The following UNC80 variants were observed in gnomAD, a reference collection of about 807,000 sequenced individuals.
UNC80 encodes unc-80 subunit of NALCN channel complex.
UNC80 carries 164 observed loss-of-function variants against 384.6 expected under a neutral mutation model. That is an observed-to-expected ratio of 0.43 (90% CI 0.38 to 0.49). The LOEUF (loss-of-function observed/expected upper bound fraction) is 0.49, where lower values mean the gene tolerates loss of function less well. UNC80 is among the 20% of genes least tolerant of loss of function. UNC80 has a pLI of 0.00. For missense variants in UNC80, 3,330 were observed against 4,143.0 expected (o/e 0.80, Z 5.39); for synonymous variants, 1,486 against 1,527.8 (o/e 0.97, Z 0.64).
In UNC80 at chr2:209,959,179, C is replaced by T. The variant is rs1449422295; in HGVS notation, c.7586+25C>T. ...GGTACAGAAAGACTTGCTCTAATTT[C>T]ATACCAGTTCTGACATCTTGAGATG... On this transcript the variant is annotated intron_variant, in intron 50 of 64. Transcript: ENST00000673920. The T allele has an allele frequency of 2.6e-6, 4 of 1,551,284 alleles. No individual in the cohort carries two copies. The African/African-American group carries it at 4.1e-5, about 16-fold the overall frequency.
chr2:209,977,065 T>A lies in UNC80; in HGVS notation c.8925T>A (p.Val2975=). The change falls in exon 58 of 65, where the codon GTT becomes GTA. Residue 2975 remains valine (V), a synonymous_variant. Transcript: ENST00000673920. ...AACTAAAAATTCTAAAAGAGGCAGT[T>A]CATAGTGGATCAGGTGAGTGTGCAT... The part of the protein sequence containing the change: ...NSELKILKEA[V]HSGSAYQGKT... The A allele has an allele frequency of 1.3e-6, 2 of 1,519,862 alleles. No homozygotes were observed. The highest frequency in any genetic ancestry group is 1.8e-6 in the Non-Finnish European group (2 of 1,121,062). The allele number at this position is 1,519,862 out of a possible 1,614,324, so 94.1% of individuals were successfully genotyped here.
At chr2:209,903,495 T>TA (rs1339392126) in intron 28 of UNC80, among the ~76,000 whole-genome samples, 5 of 2,388 alleles carry the variant, frequency 2.1e-3, no homozygotes, top group African/African-American at 5.2e-3. Context: ...AATATATATA[T>TA]TATATATAGT....
At position 209,996,624 on chromosome 2, in the gene UNC80, A is replaced by G. The variant is rs2093487268; in HGVS notation, c.*1029A>G. On this transcript the variant is annotated 3_prime_UTR_variant, in exon 65 of 65. Transcript: ENST00000673920. ...GTTTATAAGGAAAAATGTATAAAGTAAGCAATTTCTTCATAGACACCTCCA... is the reference window on the plus strand; with the variant it reads ...GTTTATAAGGAAAAATGTATAAAGTGAGCAATTTCTTCATAGACACCTCCA... 6.6e-6 allele frequency: 1 copy of G among 152,204 alleles called. No homozygotes were observed. Among genetic ancestry groups the G allele is most frequent in the Non-Finnish European group, 1.5e-5 (1 of 68,030 alleles). 9.4% of individuals were successfully genotyped at this position (152,204 alleles called of 1,614,324 possible).
intron 31 of UNC80, among the ~76,000 whole-genome samples, chr2:209,914,681 G>GTATA (rs1553596303): frequency 1.3e-5 from 2 of 149,554 alleles, no homozygotes; most frequent in African/African-American, 5.0e-5. Flanking sequence ...GTGTGTGTGT[G>GTATA]TATATAAATA....
intron 52 of UNC80, chr2:209,968,327 C>G (rs1046086173): frequency 1.3e-5 from 2 of 152,182 alleles, no homozygotes; most frequent in African/African-American, 4.8e-5. Flanking sequence ...GGTAAACCCA[C>G]TTACTCGGAA....
chr2:209,840,727 C>G, intron 20 of UNC80, 79 bp downstream of exon 20: 1 of 1,151,668 alleles, frequency 8.7e-7, no homozygotes. Context: ...TAGCAAACAC[C>G]TGCAGGGGCC....
At chr2:209,895,495 C>CT (rs1042397647) in intron 27 of UNC80, among the ~76,000 whole-genome samples, 6 of 151,958 alleles carry the variant, frequency 3.9e-5, no homozygotes, top group East Asian at 1.9e-4. Flanking sequence ...CTTAAGGAGA[C>CT]TTTTTTTTAA....
Position 209,842,400 on chromosome 2 carries a change from C to T in UNC80, c.3408C>T (p.Gly1136=). The change falls in exon 21 of 65, where the codon GGC becomes GGT. Residue 1136 remains glycine, a synonymous_variant. Coordinates refer to ENST00000673920, the MANE Select transcript of UNC80 (RefSeq NM_001371986.1). ...TTTCTGAAGGTGGGCCAGGAAGTGGCATGGAAAATGGAAGAGATGAAGAGG... is the reference window on the plus strand; with the variant it reads ...TTTCTGAAGGTGGGCCAGGAAGTGGTATGGAAAATGGAAGAGATGAAGAGG... ...VKLSEGGPGS[G]MENGRDEEEN... is the part of the protein sequence containing the mutation. 6.4e-7 allele frequency: 1 copy of T among 1,550,926 alleles called. No individual in the cohort carries two copies. Among genetic ancestry groups the T allele is most frequent in the Non-Finnish European group, 8.7e-7 (1 of 1,146,586 alleles).
intron 28 of UNC80, among the ~76,000 whole-genome samples, chr2:209,899,989 T>C (rs2087214813): frequency 6.6e-6 from 1 of 152,230 alleles, no homozygotes; most frequent in Non-Finnish European, 1.5e-5. Context: ...CCTAAGGCTC[T>C]GCCTAGCTTC....
intron 43 of UNC80, 137 bp downstream of exon 43, chr2:209,939,789 A>G (rs926465229): frequency 1.4e-5 from 10 of 739,076 alleles, no homozygotes; most frequent in African/African-American, 7.1e-5. Flanking sequence ...ATATGTATAC[A>G]TGTGCCATGT....
intron 38 of UNC80, among the ~76,000 whole-genome samples, chr2:209,932,916 C>T (rs1210800485): frequency 6.6e-6 from 1 of 152,102 alleles, no homozygotes; most frequent in Non-Finnish European, 1.5e-5. Flanking sequence ...AGGGTTGGCC[C>T]TCCTTAGGGT....
chr2:209,786,907 T>G (rs888075012), intron 5 of UNC80, among the ~76,000 whole-genome samples: 1 of 150,678 alleles, frequency 6.6e-6, no homozygotes, highest in Non-Finnish European at 1.5e-5. Context: ...TCTAGTCTTC[T>G]ATTCCCAACT....
chr2:209,940,916 C>G (rs2091586072), intron 43 of UNC80, among the ~76,000 whole-genome samples: 1 of 152,180 alleles, frequency 6.6e-6, no homozygotes, highest in Non-Finnish European at 1.5e-5. Context: ...AGTCCCATCC[C>G]TGCTATTTTC....
chr2:209,829,547 C>T (rs1162920118), intron 15 of UNC80, among the ~76,000 whole-genome samples, 168 bp downstream of exon 15: 1 of 152,096 alleles, frequency 6.6e-6, no homozygotes, highest in African/African-American at 2.4e-5. Flanking sequence ...AAAGCTTGCA[C>T]ATTATCTCTG....
At chr2:209,810,342 T>C (rs767708692) in intron 7 of UNC80, among the ~76,000 whole-genome samples, 6 of 152,236 alleles carry the variant, frequency 3.9e-5, no homozygotes, top group Non-Finnish European at 8.8e-5. Flanking sequence ...GGTACTTATA[T>C]TTCATACATT....
chr2:209,826,908 T>C (rs2080566200), intron 14 of UNC80, among the ~76,000 whole-genome samples: 1 of 152,156 alleles, frequency 6.6e-6, no homozygotes. Flanking sequence ...CCAGCCCATT[T>C]TTCCTTGATA....
At chr2:209,991,231 A>G (rs1047453649) in intron 61 of UNC80, among the ~76,000 whole-genome samples, 1 of 152,364 alleles carries the variant, frequency 6.6e-6, no homozygotes, top group Admixed American at 6.5e-5. Context: ...GGCAAAGCAG[A>G]AATTAATTAA....
chr2:209,816,497 C>T (rs140737981), intron 9 of UNC80, among the ~76,000 whole-genome samples: 2 of 152,330 alleles, frequency 1.3e-5, no homozygotes, highest in African/African-American at 4.8e-5. Context: ...TGACTCTAAC[C>T]TTGTGATTTG....
At chr2:209,825,071 C>T (rs2080413898) in intron 13 of UNC80, among the ~76,000 whole-genome samples, 2 of 152,238 alleles carry the variant, frequency 1.3e-5, no homozygotes, top group African/African-American at 4.8e-5. Flanking sequence ...ACACTGGAAT[C>T]CCAGGTTTGT....
Sources: gnomAD v4.1 joint callset for allele counts (sites outside exome capture counted in the v4.1 genomes callset) on GRCh38, gnomAD v4.1.1 for gene constraint, MANE v1.5 for transcripts, NCBI Gene and HGNC (gene_info 2026-07-23, HGNC 2026-07-21) for gene names.